Variants in NAALADL2 observed in about 807,000 individuals in gnomAD.
NAALADL2 encodes N-acetylated alpha-linked acidic dipeptidase like 2.
A neutral mutation model predicts 87.2 loss-of-function variants in NAALADL2; 76 were observed. That is an observed-to-expected ratio of 0.87 (90% CI 0.72 to 1.05). The LOEUF (loss-of-function observed/expected upper bound fraction) is 1.05, where lower values mean the gene tolerates loss of function less well. Among genes scored for constraint, NAALADL2 ranks in the 50% least tolerant of loss-of-function variants. The pLI, the probability that NAALADL2 is intolerant of heterozygous loss-of-function variation, is 0.00. For missense variants in NAALADL2, 1,089 were observed against 945.8 expected, an observed-to-expected ratio of 1.15 and a Z score of -1.99; for synonymous variants, 354 against 331.0, an observed-to-expected ratio of 1.07 and a Z score of -0.75.
intron 13 of NAALADL2, among the ~76,000 whole-genome samples, chr3:175,785,083 G>A (rs1427341620): frequency 2.8e-4 from 42 of 151,064 alleles, no homozygotes; most frequent in African/African-American, 1.0e-3. Context: ...TTGTTATAAT[G>A]TCTGTTCTTT....
At chr3:174,750,107 A>G (rs1168429087) in intron 3 of NAALADL2, among the ~76,000 whole-genome samples, 3 of 152,136 alleles carry the variant, frequency 2.0e-5, no homozygotes, top group Admixed American at 6.5e-5. Flanking sequence ...AGTAATTACT[A>G]TTGTTTGTTT....
chr3:175,614,375 A>G (rs550043368), intron 10 of NAALADL2, among the ~76,000 whole-genome samples: 9 of 152,290 alleles, frequency 5.9e-5, no homozygotes, highest in African/African-American at 1.9e-4. Flanking sequence ...CTCTTAAACA[A>G]TCTAGATATT....
intron 2 of NAALADL2, among the ~76,000 whole-genome samples, chr3:175,206,309 T>C (rs1278691064): frequency 1.5e-5 from 2 of 134,410 alleles, no homozygotes; most frequent in Non-Finnish European, 3.0e-5. Context: ...TATATATATA[T>C]ATACACATAC....
chr3:175,570,982 A>C (rs1357752078), intron 9 of NAALADL2, among the ~76,000 whole-genome samples: 4 of 152,138 alleles, frequency 2.6e-5, no homozygotes, highest in Non-Finnish European at 4.4e-5. Context: ...GTAAATAATC[A>C]ACTTAAATTT....
intron 1 of NAALADL2, among the ~76,000 whole-genome samples, chr3:174,886,392 G>A (rs1264135876): frequency 6.6e-6 from 1 of 152,018 alleles, no homozygotes; most frequent in East Asian, 1.9e-4. Flanking sequence ...GATTAAGGGT[G>A]GGTCTGCCTT....
At chr3:174,922,320 A>C (rs1735348455) in intron 1 of NAALADL2, among the ~76,000 whole-genome samples, 2 of 151,530 alleles carry the variant, frequency 1.3e-5, no homozygotes, top group African/African-American at 4.9e-5. Flanking sequence ...AAAAAAAAAA[A>C]AAAAAAAATT....
At chr3:175,334,673 C>G (rs1340735635) in intron 5 of NAALADL2, among the ~76,000 whole-genome samples, 6 of 152,130 alleles carry the variant, frequency 3.9e-5, no homozygotes, top group Non-Finnish European at 8.8e-5. Flanking sequence ...ACAAATCACT[C>G]CACATCAGTT....
chr3:175,096,990 C>T lies in NAALADL2; in HGVS notation c.244C>T (p.Leu82Phe), dbSNP rs115571247. The change falls in exon 2 of 14, where the codon CTC (leucine) becomes TTC (phenylalanine). Residue 82 changes from leucine to phenylalanine, a missense_variant. Coordinates refer to ENST00000454872, the MANE Select transcript of NAALADL2 (RefSeq NM_207015.3). ...CCTAGGGCATTCAGAGACTATAGAC[C>T]TCAATCTTGATTCCATTCAACCAGC... ...QNLGHSETIDLNLDSIQPATS... is the reference protein window; with the variant it reads ...QNLGHSETIDFNLDSIQPATS... 310 of 1,613,358 alleles carry T rather than the reference C, an allele frequency of 1.9e-4. 1 individual carries two copies. The African/African-American group carries it at 3.9e-3, about 20-fold the overall frequency.
intron 2 of NAALADL2, among the ~76,000 whole-genome samples, chr3:174,560,412 T>G (rs921851618): frequency 6.6e-6 from 1 of 152,178 alleles, no homozygotes; most frequent in Non-Finnish European, 1.5e-5. Context: ...GCACAGCTAA[T>G]GCAAAGTAGA....
chr3:175,778,945 C>G (rs1387378978), intron 13 of NAALADL2, among the ~76,000 whole-genome samples: 1 of 152,010 alleles, frequency 6.6e-6, no homozygotes, highest in African/African-American at 2.4e-5. Flanking sequence ...TTTACATGTA[C>G]CTGAGAGCCA....
At chr3:175,546,302 CT>C (rs1172870854) in intron 9 of NAALADL2, among the ~76,000 whole-genome samples, 1 of 152,022 alleles carries the variant, frequency 6.6e-6, no homozygotes, top group Non-Finnish European at 1.5e-5. Flanking sequence ...TGAGACGGGT[CT>C]CTTGAAGACA....
At chr3:174,974,432 T>C (rs1395728742) in intron 1 of NAALADL2, among the ~76,000 whole-genome samples, 1 of 152,212 alleles carries the variant, frequency 6.6e-6, no homozygotes, top group Non-Finnish European at 1.5e-5. Context: ...GGAACTTAGG[T>C]AAGTCACCGA....
rs546618267 is a variant in NAALADL2 at position 175,154,686 on chromosome 3, C to T, written c.545+57395C>T. On this transcript the variant is annotated intron_variant, in intron 2 of 13. Coordinates refer to ENST00000454872, the MANE Select transcript of NAALADL2 (RefSeq NM_207015.3). ...AGAAGATAGGAAAAAAGCTTTTCAA[C>T]TTGTCATCGTGTTTGCTATATTTTT... Among the ~76,000 whole-genome samples, 12 of 152,238 alleles carry T rather than the reference C, an allele frequency of 7.9e-5. No homozygotes were observed. The South Asian group carries it at 2.5e-3, about 32-fold the overall frequency.
intron 11 of NAALADL2, among the ~76,000 whole-genome samples, chr3:175,726,212 CA>C: frequency 7.0e-6 from 1 of 142,228 alleles, no homozygotes; most frequent in East Asian, 2.0e-4. Flanking sequence ...AATTTAATAA[CA>C]GATAGGTGAT....
rs570506739 is a variant in NAALADL2, at chr3:175,444,104, A to G, written c.1091-3125A>G. 2.0e-5 allele frequency among the ~76,000 whole-genome samples: 3 copies of G among 152,302 alleles called. No homozygotes were observed. The South Asian group carries it at 6.2e-4, about 32-fold the overall frequency. ...GAAAACTGATAGGAAGTAATATTGA[A>G]GTATAAGGTTTGGGATCATGAAGGG... is the stretch of plus-strand genomic sequence containing the variant. On this transcript the variant is annotated intron_variant, in intron 5 of 13. Transcript: ENST00000454872.
intron 1 of NAALADL2, among the ~76,000 whole-genome samples, chr3:174,948,162 C>CTTACTTATTTATTTAT (rs377199948): frequency 3.3e-5 from 5 of 150,090 alleles, no homozygotes; most frequent in African/African-American, 1.2e-4. Flanking sequence ...CCATATAGAA[C>CTTACTTATTTATTTAT]TTATTTATTT....
At chr3:174,967,156 T>C (rs1329915947) in intron 1 of NAALADL2, among the ~76,000 whole-genome samples, 1 of 152,090 alleles carries the variant, frequency 6.6e-6, no homozygotes, top group African/African-American at 2.4e-5. Flanking sequence ...TAGCAGGTAA[T>C]AGTGGTCCCT....
chr3:175,179,656 A>T (rs1736182425), intron 2 of NAALADL2, among the ~76,000 whole-genome samples: 1 of 152,114 alleles, frequency 6.6e-6, no homozygotes, highest in East Asian at 1.9e-4. Flanking sequence ...TTCCATAGAC[A>T]TGGGTTACTT....
At chr3:174,843,022 A>G (rs576887271) in intron 3 of NAALADL2, among the ~76,000 whole-genome samples, 74 of 152,176 alleles carry the variant, frequency 4.9e-4, no homozygotes, top group African/African-American at 1.7e-3. Flanking sequence ...ATGAGGTTCA[A>G]TTTGATTTAT....
Sources: allele counts gnomAD v4.1 joint callset (sites outside exome capture counted in the v4.1 genomes callset), GRCh38; gene constraint gnomAD v4.1.1; transcripts MANE v1.5; gene names NCBI Gene and HGNC (gene_info 2026-07-23, HGNC 2026-07-21).